MBD2: variants seen among roughly 807,000 people sequenced by gnomAD.
The protein encoded by MBD2 is methyl-CpG binding domain protein 2.
Under a neutral mutation model 39.3 loss-of-function variants are expected in MBD2, and 9 were observed. The ratio of observed to expected loss-of-function variants is 0.23; its 90% CI spans 0.14 to 0.40. MBD2 has a LOEUF of 0.40. MBD2 is among the 10% of genes least tolerant of loss of function. The pLI, the probability that MBD2 is intolerant of heterozygous loss-of-function variation, is 1.00. For missense variants in MBD2, 458 were observed against 532.6 expected, an observed-to-expected ratio of 0.86 and a Z score of 1.38; for synonymous variants, 233 against 211.1, an observed-to-expected ratio of 1.10 and a Z score of -0.90.
At chr18:54,222,319 G>A (rs1210903879) in intron 1 of MBD2, 1 of 516,542 alleles carries the variant, frequency 1.9e-6, no homozygotes, top group South Asian at 1.4e-5. Context: ...CACTGGCACA[G>A]TCCCAGGGCA....
chr18:54,162,186 C>A (rs1261204661), intron 5 of MBD2, among the ~76,000 whole-genome samples: 1 of 152,234 alleles, frequency 6.6e-6, no homozygotes, highest in African/African-American at 2.4e-5. Context: ...GCCCAGACTT[C>A]TGACCCCACA....
intron 3 of MBD2, among the ~76,000 whole-genome samples, chr18:54,169,713 C>T (rs1158288883): frequency 6.6e-6 from 1 of 152,226 alleles, no homozygotes; most frequent in Non-Finnish European, 1.5e-5. Context: ...AATCTGATTT[C>T]CCCTGCCAAA....
intron 3 of MBD2, among the ~76,000 whole-genome samples, chr18:54,183,523 T>C (rs149487473): frequency 9.2e-5 from 14 of 152,142 alleles, no homozygotes; most frequent in African/African-American, 3.4e-4. Flanking sequence ...GAAAGAGAGG[T>C]AGTCATATTG....
intron 1 of MBD2, among the ~76,000 whole-genome samples, chr18:54,219,386 T>C (rs1180184216): frequency 6.6e-6 from 1 of 152,230 alleles, no homozygotes; most frequent in Non-Finnish European, 1.5e-5. Context: ...TTAGGTGGAA[T>C]ATCAATTGGT....
intron 1 of MBD2, among the ~76,000 whole-genome samples, chr18:54,212,472 T>G (rs2086516384): frequency 6.6e-6 from 1 of 152,176 alleles, no homozygotes; most frequent in Non-Finnish European, 1.5e-5. Flanking sequence ...GAATACTTAT[T>G]TATGAATGAA....
intron 2 of MBD2, among the ~76,000 whole-genome samples, chr18:54,196,764 G>C (rs2086370283): frequency 6.6e-6 from 1 of 152,150 alleles, no homozygotes; most frequent in African/African-American, 2.4e-5. Context: ...GACCCTCTCA[G>C]AAAGTTCTAT....
rs375244494 is a variant in MBD2 at position 54,164,630 on chromosome 18, C to A, written c.1002G>T (p.Ala334=). 1 of 1,614,126 alleles carries A rather than the reference C, an allele frequency of 6.2e-7. No individual in the cohort carries two copies. Among genetic ancestry groups the A allele is most frequent in the East Asian group, 2.2e-5 (1 of 44,884 alleles). The change falls in exon 5 of 7, where the codon GCG becomes GCT. Residue 334 remains alanine, a synonymous_variant. Transcript: ENST00000256429. ...AVASALHTSS[A]PITGQVSAAV... ...CAGCGGAGACTTGCCCTGTGATTGG[C>A]GCAGAGCTTGTGTGCAAAGCACTGG...
chr18:54,163,445 A>C (rs1168196234), intron 5 of MBD2, among the ~76,000 whole-genome samples: 1 of 152,188 alleles, frequency 6.6e-6, no homozygotes, highest in Non-Finnish European at 1.5e-5. Flanking sequence ...ATAATATAAT[A>C]TAAATGCAAT....
intron 6 of MBD2, among the ~76,000 whole-genome samples, chr18:54,158,054 T>C (rs949284488): frequency 1.3e-5 from 2 of 152,190 alleles, no homozygotes; most frequent in African/African-American, 2.4e-5. Context: ...GCCATAGGGC[T>C]CTTGTAAAGA....
chr18:54,200,019 C>A (rs1226129056), intron 2 of MBD2, among the ~76,000 whole-genome samples: 1 of 151,808 alleles, frequency 6.6e-6, no homozygotes, highest in Non-Finnish European at 1.5e-5. Flanking sequence ...TAGTATACAG[C>A]CATATACCAA....
intron 2 of MBD2, chr18:54,202,804 A>G: frequency 6.5e-7 from 1 of 1,549,618 alleles, no homozygotes; most frequent in South Asian, 1.2e-5. Context: ...GCAAAAGCAA[A>G]AAAAGACATG....
intron 1 of MBD2, among the ~76,000 whole-genome samples, chr18:54,211,107 G>A (rs866896810): frequency 1.1e-4 from 16 of 151,680 alleles, no homozygotes; most frequent in Admixed American, 4.6e-4. Context: ...TCCTGACCTC[G>A]TGATCCGCCC....
At chr18:54,182,894 T>A (rs1052754361) in intron 3 of MBD2, among the ~76,000 whole-genome samples, 1 of 151,374 alleles carries the variant, frequency 6.6e-6, no homozygotes, top group African/African-American at 2.4e-5. Context: ...ATTGCACTCC[T>A]GCACTCCAGC....
chr18:54,179,465 C>A (rs1568083037), intron 3 of MBD2, among the ~76,000 whole-genome samples: 2 of 152,088 alleles, frequency 1.3e-5, no homozygotes. Context: ...CATCCTAAAC[C>A]TAATAACAGC....
At chr18:54,188,631 C>A (rs141669271) in intron 3 of MBD2, among the ~76,000 whole-genome samples, 114 of 152,236 alleles carry the variant, frequency 7.5e-4, no homozygotes, top group Non-Finnish European at 1.1e-3. Context: ...TATATTACCA[C>A]ACGAAAAGCA....
chr18:54,222,778 G>A (rs1438378390), intron 1 of MBD2, among the ~76,000 whole-genome samples: 1 of 152,198 alleles, frequency 6.6e-6, no homozygotes, highest in Admixed American at 6.5e-5. Context: ...GCAACCATCA[G>A]GAATGTGTTC....
intron 1 of MBD2, among the ~76,000 whole-genome samples, chr18:54,220,977 T>C (rs1185915597): frequency 1.3e-5 from 2 of 152,216 alleles, no homozygotes; most frequent in African/African-American, 4.8e-5. Context: ...AATGCTCCTT[T>C]TGGCCCTGAA....
At chr18:54,216,206 A>AAT (rs1166779239) in intron 1 of MBD2, among the ~76,000 whole-genome samples, 1 of 152,202 alleles carries the variant, frequency 6.6e-6, no homozygotes, top group African/African-American at 2.4e-5. Flanking sequence ...AAGCCTAGGT[A>AAT]ATATATATAC....
At chr18:54,164,301 A>G (rs1236232414) in intron 5 of MBD2, among the ~76,000 whole-genome samples, 1 of 152,210 alleles carries the variant, frequency 6.6e-6, no homozygotes, top group Non-Finnish European at 1.5e-5. Context: ...GACCATGACG[A>G]TACCCCTGGC....
Sources: allele counts gnomAD v4.1 joint callset (sites outside exome capture counted in the v4.1 genomes callset), GRCh38; gene constraint gnomAD v4.1.1; transcripts MANE v1.5; gene names NCBI Gene and HGNC (gene_info 2026-07-23, HGNC 2026-07-21).